Variants in OSBPL5 observed in about 807,000 individuals in gnomAD.
The protein encoded by OSBPL5 is oxysterol binding protein like 5.
In OSBPL5, 71 loss-of-function variants were observed where a neutral mutation model predicts 111.2. The ratio of observed to expected loss-of-function variants is 0.64; its 90% CI spans 0.53 to 0.78. The LOEUF (loss-of-function observed/expected upper bound fraction) is 0.78, where lower values mean the gene tolerates loss of function less well. Among genes scored for constraint, OSBPL5 ranks in the 30% least tolerant of loss-of-function variants. The pLI, the probability that OSBPL5 is intolerant of heterozygous loss-of-function variation, is 0.00. For missense variants in OSBPL5, 1,210 were observed against 1,189.3 expected, an observed-to-expected ratio of 1.02 and a Z score of -0.26; for synonymous variants, 549 against 513.9, an observed-to-expected ratio of 1.07 and a Z score of -0.93.
intron 7 of OSBPL5, among the ~76,000 whole-genome samples, chr11:3,114,016 G>A (rs1010759221): frequency 1.3e-5 from 2 of 152,024 alleles, no homozygotes; most frequent in Non-Finnish European, 2.9e-5. Context: ...AAATAATTAG[G>A]TAAATGTAAT....
At chr11:3,103,186 G>T in intron 11 of OSBPL5, 53 bp downstream of exon 11, 1 of 1,503,114 alleles carries the variant, frequency 6.7e-7, no homozygotes, top group Non-Finnish European at 9.0e-7. Context: ...CGAGGGCTGA[G>T]CAGACAGACT....
chr11:3,129,810 C>A (rs1858764237), intron 1 of OSBPL5, among the ~76,000 whole-genome samples: 2 of 152,224 alleles, frequency 1.3e-5, no homozygotes, highest in Admixed American at 1.3e-4. Context: ...GCCAGGCACA[C>A]CTGCGTCCAC....
intron 1 of OSBPL5, among the ~76,000 whole-genome samples, chr11:3,150,473 A>G (rs111415444): frequency 0.083 from 12,610 of 152,002 alleles, 559 homozygotes; most frequent in Admixed American, 0.1. Context: ...GGCACGTCCC[A>G]CCCGTCCAAG....
chr11:3,138,365 C>T (rs182914533), intron 1 of OSBPL5, among the ~76,000 whole-genome samples: 235 of 152,338 alleles, frequency 1.5e-3, no homozygotes, highest in African/African-American at 5.5e-3. Flanking sequence ...CCCACCTGTC[C>T]CAACTGAAAG....
At chr11:3,125,751 G>A (rs1472552457) in intron 3 of OSBPL5, among the ~76,000 whole-genome samples, 1 of 149,812 alleles carries the variant, frequency 6.7e-6, no homozygotes, top group Non-Finnish European at 1.5e-5. Context: ...CTTGCAGTGA[G>A]CCGAGATCGC....
intron 3 of OSBPL5, among the ~76,000 whole-genome samples, chr11:3,123,285 C>T (rs528081314): frequency 3.3e-5 from 5 of 152,156 alleles, no homozygotes; most frequent in Admixed American, 6.5e-5. Context: ...AGCTACGACC[C>T]GAATCCTGCC....
chr11:3,101,560 A>G (rs1857455723), intron 13 of OSBPL5, 43 bp downstream of exon 13: 1 of 1,558,056 alleles, frequency 6.4e-7, no homozygotes, highest in Non-Finnish European at 8.8e-7. Flanking sequence ...CGACCATCGC[A>G]TTTCCCTGAG....
chr11:3,100,084 C>A, intron 14 of OSBPL5, 74 bp downstream of exon 14: 2 of 1,315,258 alleles, frequency 1.5e-6, no homozygotes, highest in Non-Finnish European at 2.2e-6. Context: ...AAGCAAATAA[C>A]CAAAGGGTTT....
At chr11:3,150,398 T>C (rs1846542502) in intron 1 of OSBPL5, among the ~76,000 whole-genome samples, 1 of 152,128 alleles carries the variant, frequency 6.6e-6, no homozygotes, top group Non-Finnish European at 1.5e-5. Flanking sequence ...GGGACCAGGA[T>C]GCAGCCTTGG....
At chr11:3,117,403 CTG>C (rs1273015798) in intron 7 of OSBPL5, among the ~76,000 whole-genome samples, 1 of 152,192 alleles carries the variant, frequency 6.6e-6, no homozygotes, top group Non-Finnish European at 1.5e-5. Context: ...AAGTCCATGA[CTG>C]GGCTCAGCTT....
rs1468356183 is a variant in OSBPL5 at position 3,103,332 on chromosome 11, C to T, written c.1245-12G>A. The T allele has an allele frequency of 6.3e-7, 1 of 1,596,976 alleles. No individual in the cohort carries two copies. On this transcript the variant is annotated splice_polypyrimidine_tract_variant and intron_variant, in intron 10 of 21. Coordinates refer to ENST00000263650, the MANE Select transcript of OSBPL5 (RefSeq NM_020896.4). ...CCTCCACCGCAGCCCTGCCATGGGGCAGGAGAACGCTGACCCCAGCTCCGG... is the reference window on the plus strand; with the variant it reads ...CCTCCACCGCAGCCCTGCCATGGGGTAGGAGAACGCTGACCCCAGCTCCGG...
At chr11:3,101,000 A>C (rs1200496363) in intron 13 of OSBPL5, among the ~76,000 whole-genome samples, 1 of 138,436 alleles carries the variant, frequency 7.2e-6, no homozygotes, top group African/African-American at 2.7e-5. Context: ...TTTGAGACAG[A>C]GTCTCACCCT....
At chr11:3,131,856 A>ACCATCCATCCACCCTCCTGT (rs1845810156) in intron 1 of OSBPL5, among the ~76,000 whole-genome samples, 1 of 41,700 alleles carries the variant, frequency 2.4e-5, no homozygotes, top group Non-Finnish European at 5.0e-5. Context: ...CACCCACCAA[A>ACCATCCATCCACCCTCCTGT]CCATCCATCC....
At chr11:3,139,287 C>T (rs1398636632) in intron 1 of OSBPL5, among the ~76,000 whole-genome samples, 1 of 149,352 alleles carries the variant, frequency 6.7e-6, no homozygotes, top group Non-Finnish European at 1.5e-5. Context: ...CTGTGCGGGA[C>T]GGGTGGCCCC....
Position 3,107,676 on chromosome 11 carries a change from C to A in OSBPL5, c.866+95G>T. 6.6e-7 allele frequency: 1 copy of A among 1,511,912 alleles called. No homozygotes were observed. The highest frequency in any genetic ancestry group is 9.0e-7 in the Non-Finnish European group (1 of 1,111,416). 93.7% of individuals were successfully genotyped at this position (1,511,912 alleles called of 1,614,324 possible). Reference sequence around the variant, plus strand: ...GTCCCTGCGTGCAGCCTGCAGCCCACCAGAGCAGTGGCTGGGGCTGTCCTC... The same window carrying A: ...GTCCCTGCGTGCAGCCTGCAGCCCAACAGAGCAGTGGCTGGGGCTGTCCTC... On this transcript the variant is annotated intron_variant, in intron 8 of 21. Coordinates refer to ENST00000263650, the MANE Select transcript of OSBPL5 (RefSeq NM_020896.4). This position sits in a 1 kb window ranked among gnomAD's most constrained non-coding sequence, Gnocchi z 6.1.
Position 3,109,471 on chromosome 11 carries a change from G to A in OSBPL5, c.692-1526C>T, listed in dbSNP as rs1173372418. Among the ~76,000 whole-genome samples the A allele has an allele frequency of 6.6e-6, 1 of 152,166 alleles. No individual in the cohort carries two copies. Among genetic ancestry groups the A allele is most frequent in the African/African-American group, 2.4e-5 (1 of 41,436 alleles). On this transcript the variant is annotated intron_variant, in intron 7 of 21. Transcript: ENST00000263650. The surrounding 1 kb of genome is among the most constrained non-coding windows in gnomAD (Gnocchi z 7.4). The stretch of plus-strand genomic sequence containing the variant: ...TGAAGGCGGTTCTGTGCCTCTCTGA[G>A]CCTCTGCCTTTTCGAGCTCCTGGAG...
At chr11:3,120,735 C>G in intron 5 of OSBPL5, 111 bp from the exon 6 acceptor site, 1 of 1,096,488 alleles carries the variant, frequency 9.1e-7, no homozygotes, top group Non-Finnish European at 1.3e-6. Flanking sequence ...TGCCGAGGGG[C>G]CCTTCCCCTC....
rs1202927369 is a variant in OSBPL5 at position 3,146,181 on chromosome 11, GCT to G, written c.-21-17014_-21-17013del. The stretch of plus-strand genomic sequence containing the variant: ...GCCAGGGTCCCGCGGCCCCGTCGGA[GCT>G]CTCAGACCAGGGCGGGCAGACCAGC... On this transcript the variant is annotated intron_variant, in intron 1 of 21. Transcript: ENST00000263650. The surrounding 1 kb of genome is among the most constrained non-coding windows in gnomAD (Gnocchi z 7.8). 3 of 152,230 alleles carry G rather than the reference GCT, an allele frequency of 2.0e-5. No individual in the cohort carries two copies. Among genetic ancestry groups the G allele is most frequent in the Non-Finnish European group, 4.4e-5 (3 of 68,076 alleles). 9.4% of individuals were successfully genotyped at this position (152,230 alleles called of 1,614,324 possible).
chr11:3,149,525 C>A (rs897045399), intron 1 of OSBPL5, among the ~76,000 whole-genome samples: 4 of 152,234 alleles, frequency 2.6e-5, no homozygotes, highest in Admixed American at 6.5e-5. Context: ...GTGCCTGTGG[C>A]AGGGGTGCCG....
Sources: gnomAD v4.1 joint callset for allele counts (sites outside exome capture counted in the v4.1 genomes callset) on GRCh38, gnomAD v4.1.1 for gene constraint, Gnocchi (gnomAD v3.1) non-coding constraint, MANE v1.5 for transcripts, NCBI Gene and HGNC (gene_info 2026-07-23, HGNC 2026-07-21) for gene names.